KIF1A: variants seen among roughly 807,000 people sequenced by gnomAD.
KIF1A encodes the protein kinesin family member 1A, also known as kinesin-like protein KIF1A.
Under a neutral mutation model 227.3 loss-of-function variants are expected in KIF1A, and 46 were observed. That is an observed-to-expected ratio of 0.20 (90% CI 0.16 to 0.26). KIF1A has a LOEUF of 0.26. KIF1A is among the 10% of genes least tolerant of loss of function. KIF1A has a pLI of 1.00. For missense variants in KIF1A, 1,683 were observed against 2,485.9 expected, an observed-to-expected ratio of 0.68 and a Z score of 6.87; for synonymous variants, 1,022 against 1,012.8, an observed-to-expected ratio of 1.01 and a Z score of -0.17.
chr2:240,722,217 G>A (rs1350992865), intron 43 of KIF1A, among the ~76,000 whole-genome samples: 2 of 152,220 alleles, frequency 1.3e-5, no homozygotes, highest in African/African-American at 4.8e-5. Context: ...ATCAGCACAG[G>A]TATTCAAGAG....
Position 240,769,212 on chromosome 2 carries a change from G to T in KIF1A, c.1422-4C>A. On this transcript the variant is annotated splice_region_variant and splice_polypyrimidine_tract_variant and intron_variant, in intron 16 of 48. Transcript: ENST00000498729. ...CATCTCGGCCAGCAGGGCTTCCCTG[G>T]GGGAACAGAGCTGAGGTCAGCACAA... is the stretch of plus-strand genomic sequence containing the variant. 6.2e-7 allele frequency: 1 copy of T among 1,606,218 alleles called. No homozygotes were observed.
At position 240,786,824 on chromosome 2, in the gene KIF1A, G is replaced by C. The variant is rs2054980282; in HGVS notation, c.430-311C>G. Among the ~76,000 whole-genome samples the C allele has an allele frequency of 2.0e-5, 3 of 147,014 alleles. 1 individual carries two copies. The highest frequency in any genetic ancestry group is 4.4e-5 in the Non-Finnish European group (3 of 67,660). Reference sequence around the variant, plus strand: ...GGCTGCCATCAGGACCCCTGAGTGAGAGGGTGGGGGCTGCCTGCTGAGCAG... The same window carrying C: ...GGCTGCCATCAGGACCCCTGAGTGACAGGGTGGGGGCTGCCTGCTGAGCAG... On this transcript the variant is annotated intron_variant, in intron 5 of 48. Coordinates refer to ENST00000498729, the MANE Select transcript of KIF1A (RefSeq NM_001244008.2).
rs916901480 is a variant in KIF1A at position 240,775,270 on chromosome 2, T to C, written c.958+581A>G. 6.6e-6 allele frequency among the ~76,000 whole-genome samples: 1 copy of C among 152,186 alleles called. No individual in the cohort carries two copies. The highest frequency in any genetic ancestry group is 2.4e-5 in the African/African-American group (1 of 41,456). On this transcript the variant is annotated intron_variant, in intron 11 of 48. Transcript: ENST00000498729. The surrounding 1 kb of genome is among the most constrained non-coding windows in gnomAD (Gnocchi z 5.5). The stretch of plus-strand genomic sequence containing the variant: ...GGGAGGCCAGGGACCCCCAGTCATC[T>C]ATGTTCACCAGGTCAGCCCAAGACT...
At chr2:240,796,382 G>A (rs1433232167) in intron 2 of KIF1A, among the ~76,000 whole-genome samples, 1 of 152,204 alleles carries the variant, frequency 6.6e-6, no homozygotes, top group Admixed American at 6.5e-5. Flanking sequence ...CAACCGGTAG[G>A]TGCATTGTGT....
At chr2:240,785,147 G>A (rs758905562) in intron 6 of KIF1A, 47 bp from the exon 7 acceptor site, 1 of 1,501,724 alleles carries the variant, frequency 6.7e-7, no homozygotes, top group Admixed American at 1.7e-5. Flanking sequence ...CCTGTGGCCG[G>A]GTGCGAGATC....
At chr2:240,734,886 C>A (rs1002227958) in intron 38 of KIF1A, 2 of 568,806 alleles carry the variant, frequency 3.5e-6, no homozygotes, top group Non-Finnish European at 6.1e-6. Context: ...GGCCTGGGAG[C>A]GGGCAGGAGG....
chr2:240,770,816 G>A (rs1003842566), intron 15 of KIF1A, among the ~76,000 whole-genome samples, 155 bp downstream of exon 15: 1 of 152,184 alleles, frequency 6.6e-6, no homozygotes, highest in Non-Finnish European at 1.5e-5. Flanking sequence ...AGACCACTGG[G>A]CACCTGGGTG....
At chr2:240,727,639 C>T (rs1019623183) in intron 38 of KIF1A, among the ~76,000 whole-genome samples, 26 of 152,284 alleles carry the variant, frequency 1.7e-4, no homozygotes, top group African/African-American at 5.1e-4. Context: ...GCGGCGGCCT[C>T]GCTGTGTTCC....
At chr2:240,785,855 C>T (rs2054672808) in intron 6 of KIF1A, among the ~76,000 whole-genome samples, 1 of 152,148 alleles carries the variant, frequency 6.6e-6, no homozygotes. Flanking sequence ...TCCCGGGTGG[C>T]AGAGGGAGTC....
At position 240,757,124 on chromosome 2, in the gene KIF1A, G is replaced by C. The variant is rs558108748; in HGVS notation, c.2858+195C>G. Among the ~76,000 whole-genome samples the C allele has an allele frequency of 6.6e-6, 1 of 152,354 alleles. No individual in the cohort carries two copies. The highest frequency in any genetic ancestry group is 2.1e-4 in the South Asian group (1 of 4,832). ...GCCCAAAGCGACCGTCTCCAGGATG[G>C]GTGAGCAGCCCCACTGCAAGGATGC... On this transcript the variant is annotated intron_variant, in intron 27 of 48. Transcript: ENST00000498729. This position sits in a 1 kb window ranked among gnomAD's most constrained non-coding sequence, Gnocchi z 6.2.
intron 48 of KIF1A, 99 bp downstream of exon 48, chr2:240,717,951 G>C: frequency 1.3e-6 from 1 of 788,986 alleles, no homozygotes; most frequent in Non-Finnish European, 2.2e-6. Context: ...TGGGAGAGCA[G>C]TCTTGTCCTG....
Position 240,717,156 on chromosome 2 carries a change from T to C in KIF1A, c.*208A>G. The stretch of plus-strand genomic sequence containing the variant: ...CAACTTGTTCCACCAGAGCACATTC[T>C]GCAAGAAGAACTGACACGCACAGCC... On this transcript the variant is annotated 3_prime_UTR_variant, in exon 49 of 49. Coordinates refer to ENST00000498729, the MANE Select transcript of KIF1A (RefSeq NM_001244008.2). 2 of 516,672 alleles carry C rather than the reference T, an allele frequency of 3.9e-6. No homozygotes were observed. Among genetic ancestry groups the C allele is most frequent in the Middle Eastern group, 5.0e-4 (1 of 1,994 alleles). The allele number at this position is 516,672 out of a possible 1,614,324, so 32.0% of individuals were successfully genotyped here. A position where few individuals can be genotyped will look rare whatever the true frequency, so the allele number is the denominator to read the frequency against.
chr2:240,758,056 T>C lies in KIF1A; in HGVS notation c.2582+304A>G, dbSNP rs780565418. On this transcript the variant is annotated intron_variant, in intron 26 of 48. Transcript: ENST00000498729. This position sits in a 1 kb window ranked among gnomAD's most constrained non-coding sequence, Gnocchi z 5.2. ...GGACCAACAGGTGACCTGGAAAGTT[T>C]GCTTGGGAGCCTCACATATTCATAC... Among the ~76,000 whole-genome samples the C allele has an allele frequency of 3.3e-5, 5 of 152,210 alleles. No individual in the cohort carries two copies. Among genetic ancestry groups the C allele is most frequent in the African/African-American group, 4.8e-5 (2 of 41,456 alleles).
chr2:240,761,102 C>G, intron 24 of KIF1A, 127 bp downstream of exon 24: 1 of 1,190,310 alleles, frequency 8.4e-7, no homozygotes, highest in Non-Finnish European at 1.2e-6. Context: ...CCAGGTCAGG[C>G]AGGGCTGCTA....
intron 20 of KIF1A, 34 bp downstream of exon 20, chr2:240,765,676 C>T (rs201536595): frequency 5.2e-6 from 8 of 1,551,980 alleles, no homozygotes; most frequent in South Asian, 1.1e-5. Flanking sequence ...ATGCCTCTGC[C>T]TACCTGACTG....
intron 1 of KIF1A, among the ~76,000 whole-genome samples, chr2:240,803,083 TC>T (rs2057104880): frequency 6.6e-6 from 1 of 152,074 alleles, no homozygotes; most frequent in Non-Finnish European, 1.5e-5. Context: ...ATCAATACCC[TC>T]AAAAAAAATC....
In KIF1A at chr2:240,758,151, C is replaced by T. The variant is rs932335766; in HGVS notation, c.2582+209G>A. 6.6e-6 allele frequency among the ~76,000 whole-genome samples: 1 copy of T among 152,226 alleles called. No homozygotes were observed. The highest frequency in any genetic ancestry group is 1.5e-5 in the Non-Finnish European group (1 of 68,040). ...TGGGTGGCAGTGCCAAGACCCCATCCCACGTCCCCTGAAATAACAGGCCCT... is the reference window on the plus strand; with the variant it reads ...TGGGTGGCAGTGCCAAGACCCCATCTCACGTCCCCTGAAATAACAGGCCCT... On this transcript the variant is annotated intron_variant, in intron 26 of 48. Transcript: ENST00000498729. This position sits in a 1 kb window ranked among gnomAD's most constrained non-coding sequence, Gnocchi z 5.2.
intron 1 of KIF1A, among the ~76,000 whole-genome samples, chr2:240,813,707 C>T (rs186847948): frequency 6.1e-4 from 93 of 152,172 alleles, no homozygotes; most frequent in African/African-American, 1.9e-3. Flanking sequence ...AGAACCACTC[C>T]GGGGTGAGCA....
At chr2:240,747,544 C>G (rs1171508904) in intron 28 of KIF1A, among the ~76,000 whole-genome samples, 2 of 152,226 alleles carry the variant, frequency 1.3e-5, no homozygotes, top group Non-Finnish European at 2.9e-5. Flanking sequence ...GCCACGGCCT[C>G]ATCACAGCCC....
Sources: allele counts gnomAD v4.1 joint callset (sites outside exome capture counted in the v4.1 genomes callset), GRCh38; gene constraint gnomAD v4.1.1; non-coding constraint Gnocchi (gnomAD v3.1); transcripts MANE v1.5; gene names NCBI Gene and HGNC (gene_info 2026-07-23, HGNC 2026-07-21).